The following LMO7 variants were observed in gnomAD, a reference collection of about 807,000 sequenced individuals.
The protein encoded by LMO7 is LIM domain only protein 7.
A neutral mutation model predicts 206.5 loss-of-function variants in LMO7; 120 were observed. The observed-to-expected ratio is 0.58, with a 90% CI of 0.50 to 0.68. LMO7 has a LOEUF of 0.68. Ranked by LOEUF, LMO7 falls within the 30% of genes least tolerant of loss-of-function variation. The pLI, the probability that LMO7 is intolerant of heterozygous loss-of-function variation, is 0.00. For synonymous variants in LMO7, 706 were observed against 681.5 expected, an observed-to-expected ratio of 1.04 and a Z score of -0.56; for missense variants, 1,959 against 1,957.9, an observed-to-expected ratio of 1.00 and a Z score of -0.01.
Position 75,855,327 on chromosome 13 carries a change from A to T in LMO7, c.4729A>T (p.Ile1577Phe). ...NILGKGAAMIIESLGLCYHLH... is the reference protein window; with the variant it reads ...NILGKGAAMIFESLGLCYHLH... ...TCTGGGCAAAGGAGCCGCCATGATC[A>T]TCGAGTCCCTGGGTCTTTGTTATCA... Residue 1577 changes from isoleucine to phenylalanine, a missense_variant, in exon 29 of 31, where the codon ATC (isoleucine) becomes TTC (phenylalanine). By Grantham distance (21) the Ile-to-Phe change is conservative. Transcript: ENST00000377534. The T allele has an allele frequency of 6.2e-7, 1 of 1,613,968 alleles. No individual in the cohort carries two copies. The highest frequency in any genetic ancestry group is 8.5e-7 in the Non-Finnish European group (1 of 1,179,824).
intron 1 of LMO7, among the ~76,000 whole-genome samples, chr13:75,655,369 T>TG (rs1425904910): frequency 6.6e-6 from 1 of 152,158 alleles, no homozygotes; most frequent in Non-Finnish European, 1.5e-5. Context: ...TTTGGAAGCT[T>TG]GTTGTATATT....
At position 75,737,062 on chromosome 13, in the gene LMO7, T is replaced by C. The variant is rs143953132; in HGVS notation, c.210+9964T>C. ...TAAGCCCCAGTACCTTAGAGTGTGATCTTATTTGGGAATAGAGTTGTTGGA... is the reference window on the plus strand; with the variant it reads ...TAAGCCCCAGTACCTTAGAGTGTGACCTTATTTGGGAATAGAGTTGTTGGA... On this transcript the variant is annotated intron_variant, in intron 3 of 30. Coordinates refer to ENST00000377534, the MANE Select transcript of LMO7 (RefSeq NM_001306080.2). Among the ~76,000 whole-genome samples the C allele has an allele frequency of 2.7e-3, 417 of 152,308 alleles. 3 individuals are homozygous for C. The highest frequency in any genetic ancestry group is 9.7e-3 in the African/African-American group (404 of 41,554).
In LMO7 at chr13:75,823,745, T is replaced by G; in HGVS notation, c.2821T>G (p.Phe941Val). ...VTRLPSPTSPFSSLSQDQAAT... is the reference protein window; with the variant it reads ...VTRLPSPTSPVSSLSQDQAAT... ...AAGGCTGCCCTCTCCTACATCCCCCTTCTCATCTCTTTCCCAAGACCAGGC... is the reference window on the plus strand; with the variant it reads ...AAGGCTGCCCTCTCCTACATCCCCCGTCTCATCTCTTTCCCAAGACCAGGC... Residue 941 changes from phenylalanine (F) to valine (V), a missense_variant, in exon 15 of 31, where the codon TTC becomes GTC. Phe to Val is a conservative substitution (Grantham distance 50, BLOSUM62 -1). Transcript: ENST00000377534. The G allele has an allele frequency of 6.2e-7, 1 of 1,614,096 alleles. No individual in the cohort carries two copies. Among genetic ancestry groups the G allele is most frequent in the Non-Finnish European group, 8.5e-7 (1 of 1,179,992 alleles).
chr13:75,780,155 G>A (rs9573659), intron 4 of LMO7, among the ~76,000 whole-genome samples: 59,432 of 151,992 alleles, frequency 0.39, 12,153 homozygotes, highest in East Asian at 0.59. Flanking sequence ...CTGTCCCACT[G>A]TGCATGCATT....
At chr13:75,761,624 T>G (rs1326373086) in intron 4 of LMO7, among the ~76,000 whole-genome samples, 1 of 152,116 alleles carries the variant, frequency 6.6e-6, no homozygotes, top group African/African-American at 2.4e-5. Flanking sequence ...CGTATGCCAG[T>G]ATCTGTTAGA....
chr13:75,732,009 G>C (rs904109349), intron 3 of LMO7, among the ~76,000 whole-genome samples: 5 of 151,942 alleles, frequency 3.3e-5, no homozygotes, highest in African/African-American at 1.2e-4. Flanking sequence ...TAGTCTGATG[G>C]GTTTCCCTTT....
chr13:75,833,570 T>A (rs763481096), intron 16 of LMO7, among the ~76,000 whole-genome samples: 5 of 152,154 alleles, frequency 3.3e-5, no homozygotes, highest in Non-Finnish European at 7.4e-5. Flanking sequence ...CTATTGCCCA[T>A]GAAGTTTTCA....
chr13:75,650,227 T>A (rs2037422581), intron 1 of LMO7, among the ~76,000 whole-genome samples: 1 of 152,150 alleles, frequency 6.6e-6, no homozygotes, highest in Non-Finnish European at 1.5e-5. Flanking sequence ...CCTCTTGGGT[T>A]CAAGCGATTC....
chr13:75,736,833 C>A (rs958966785), intron 3 of LMO7, among the ~76,000 whole-genome samples: 3 of 152,156 alleles, frequency 2.0e-5, no homozygotes, highest in African/African-American at 7.2e-5. Context: ...TAATCTGAGC[C>A]AGACTTGTCA....
Position 75,820,984 on chromosome 13 carries a change from C to T in LMO7, c.2208-193C>T, listed in dbSNP as rs184796474. On this transcript the variant is annotated intron_variant, in intron 13 of 30. Transcript: ENST00000377534. ...CTGCACTCCAGCCTGGACGACAGAGCGAGATTCGGTCTCAAAAAAAAAAAA... is the reference window on the plus strand; with the variant it reads ...CTGCACTCCAGCCTGGACGACAGAGTGAGATTCGGTCTCAAAAAAAAAAAA... Among the ~76,000 whole-genome samples, 13 of 140,354 alleles carry T rather than the reference C, an allele frequency of 9.3e-5. No individual in the cohort carries two copies. In the East Asian group the frequency reaches 1.2e-3, roughly 13 times the overall value. The allele number at this position is 140,354 out of a possible 152,430, so 92.1% of individuals were successfully genotyped here.
intron 3 of LMO7, among the ~76,000 whole-genome samples, chr13:75,745,409 TG>T (rs2046758891): frequency 6.6e-6 from 1 of 152,186 alleles, no homozygotes; most frequent in African/African-American, 2.4e-5. Context: ...ATATGGTATG[TG>T]AGTTTTATCT....
chr13:75,719,364 C>T (rs2043829691), intron 2 of LMO7, among the ~76,000 whole-genome samples: 1 of 152,174 alleles, frequency 6.6e-6, no homozygotes, highest in Non-Finnish European at 1.5e-5. Flanking sequence ...TGAAGGCCAT[C>T]TCGGTTGCTT....
Position 75,823,259 on chromosome 13 carries a change from G to A in LMO7, c.2641-306G>A, listed in dbSNP as rs549521997. ...ACTGTACATAACACATGTATATATGGCAATTTCATTTTACGCCAGTTTAGA... is the reference window on the plus strand; with the variant it reads ...ACTGTACATAACACATGTATATATGACAATTTCATTTTACGCCAGTTTAGA... On this transcript the variant is annotated intron_variant, in intron 14 of 30. Transcript: ENST00000377534. Among the ~76,000 whole-genome samples, 29 of 152,206 alleles carry A rather than the reference G, an allele frequency of 1.9e-4. 1 individual carries two copies. In the South Asian group the frequency reaches 5.6e-3, roughly 29 times the overall value.
intron 9 of LMO7, chr13:75,806,408 TA>T: frequency 5.6e-6 from 1 of 179,232 alleles, no homozygotes; most frequent in Non-Finnish European, 1.1e-5. Flanking sequence ...AAGCGTAATG[TA>T]TAACACGCTG....
At chr13:75,751,870 C>T (rs2047296683) in intron 3 of LMO7, among the ~76,000 whole-genome samples, 1 of 152,154 alleles carries the variant, frequency 6.6e-6, no homozygotes, top group African/African-American at 2.4e-5. Context: ...TTCCCTGATG[C>T]AGAGTATTCC....
At position 75,807,935 on chromosome 13, in the gene LMO7, C is replaced by T; in HGVS notation, c.1652C>T (p.Pro551Leu). ...TTTCCCGAACCCTGGACTCTTCCTC[C>T]AGAAATTCAAGCAAAATTTCTCTGT... ...VPFPEPWTLP[P>L]EIQAKFLCVL... The change falls in exon 10 of 31, where the codon CCA (proline) becomes CTA (leucine). Residue 551 changes from proline (P) to leucine (L), a missense_variant. Physicochemically the swap from Pro to Leu is moderately conservative, Grantham distance 98. Coordinates refer to ENST00000377534, the MANE Select transcript of LMO7 (RefSeq NM_001306080.2). The T allele has an allele frequency of 1.2e-6, 2 of 1,613,942 alleles. No individual in the cohort carries two copies. Among genetic ancestry groups the T allele is most frequent in the Non-Finnish European group, 1.7e-6 (2 of 1,179,878 alleles).
chr13:75,811,129 A>G (rs375912631), intron 11 of LMO7, among the ~76,000 whole-genome samples: 1 of 152,008 alleles, frequency 6.6e-6, no homozygotes, highest in Admixed American at 6.5e-5. Context: ...AAGTCAAATA[A>G]GTCAAATTTA....
chr13:75,824,760 A>G (rs1335694333), intron 15 of LMO7, among the ~76,000 whole-genome samples: 2 of 152,098 alleles, frequency 1.3e-5, no homozygotes, highest in Non-Finnish European at 2.9e-5. Flanking sequence ...TTAAGTGTGT[A>G]TTATATACAT....
intron 3 of LMO7, among the ~76,000 whole-genome samples, chr13:75,730,238 G>T (rs1245496611): frequency 6.6e-6 from 1 of 152,216 alleles, no homozygotes; most frequent in Non-Finnish European, 1.5e-5. Context: ...GTAGTATTTG[G>T]CTGTGAATCC....
Sources: gnomAD v4.1 joint callset for allele counts (sites outside exome capture counted in the v4.1 genomes callset) on GRCh38, gnomAD v4.1.1 for gene constraint, MANE v1.5 for transcripts, NCBI Gene and HGNC (gene_info 2026-07-23, HGNC 2026-07-21) for gene names.